Variants in COL9A2 observed in about 807,000 individuals in gnomAD.
The protein encoded by COL9A2 is collagen alpha-2(IX) chain.
Under a neutral mutation model 111.6 loss-of-function variants are expected in COL9A2, and 66 were observed. The observed-to-expected ratio is 0.59, with a 90% CI of 0.48 to 0.73. The LOEUF (loss-of-function observed/expected upper bound fraction) is 0.73. COL9A2 is among the 30% of genes least tolerant of loss of function. The pLI is 0.00. For synonymous variants in COL9A2, 353 were observed against 364.1 expected (o/e 0.97, Z 0.35); for missense variants, 881 against 954.1 (o/e 0.92, Z 1.01).
Position 40,303,304 on chromosome 1 carries a change from CAA to C in COL9A2, c.1549-121_1549-120del. 1 of 1,201,562 alleles carries C rather than the reference CAA, an allele frequency of 8.3e-7. No homozygotes were observed. Among genetic ancestry groups the C allele is most frequent in the East Asian group, 2.6e-5 (1 of 39,136 alleles). The allele number at this position is 1,201,562 out of a possible 1,614,324, so 74.4% of individuals were successfully genotyped here. A position where few individuals can be genotyped will look rare whatever the true frequency, so the allele number is the denominator to read the frequency against. On this transcript the variant is annotated intron_variant, in intron 28 of 31. Transcript: ENST00000372748. This position sits in a 1 kb window ranked among gnomAD's most constrained non-coding sequence, Gnocchi z 4.6. ...ACTCTGGTGTTGAGTCATTAATTCC[CAA>C]GCTGAGGAACAGATTGTACCTGGGC...
chr1:40,307,738 C>T lies in COL9A2; in HGVS notation c.919G>A (p.Gly307Ser), dbSNP rs184896618. The change falls in exon 18 of 32, where the codon GGC becomes AGC. Residue 307 changes from glycine (G) to serine (S), a missense_variant. Physicochemically the swap from Gly to Ser is moderately conservative, Grantham distance 56. Coordinates refer to ENST00000372748, the MANE Select transcript of COL9A2 (RefSeq NM_001852.4). The surrounding 1 kb of genome is among the most constrained non-coding windows in gnomAD (Gnocchi z 4.8). ...GGCGTGCCTGGGGTCCCATCCTTGC[C>T]GTTGATGCCTGGGGGGCCCTACCCA... The part of the protein sequence containing the change: ...KGATGPPGIN[G>S]KDGTPGTPGM... The T allele has an allele frequency of 1.3e-4, 213 of 1,614,132 alleles. No individual in the cohort carries two copies. The highest frequency in any genetic ancestry group is 5.0e-4 in the Admixed American group (30 of 60,008).
At chr1:40,313,477 CT>C (rs1644164440) in intron 4 of COL9A2, among the ~76,000 whole-genome samples, 1 of 152,196 alleles carries the variant, frequency 6.6e-6, no homozygotes, top group African/African-American at 2.4e-5. Flanking sequence ...CCATTGGCAA[CT>C]TTTTCTGAGC....
At position 40,310,458 on chromosome 1, in the gene COL9A2, C is replaced by T. The variant is rs1440188599; in HGVS notation, c.685-141G>A. 4.3e-6 allele frequency: 4 copies of T among 929,106 alleles called. No individual in the cohort carries two copies. The allele number at this position is 929,106 out of a possible 1,614,324, so 57.6% of individuals were successfully genotyped here. ...GTCTCATGGATGGGACATGGAGGTT[C>T]AGAGATGAGGAGGGACTCACTGCAT... On this transcript the variant is annotated intron_variant, in intron 13 of 31. Transcript: ENST00000372748. This position sits in a 1 kb window ranked among gnomAD's most constrained non-coding sequence, Gnocchi z 4.9.
chr1:40,314,142 G>A lies in COL9A2; in HGVS notation c.249+63C>T. On this transcript the variant is annotated intron_variant, in intron 4 of 31. Coordinates refer to ENST00000372748, the MANE Select transcript of COL9A2 (RefSeq NM_001852.4). The surrounding 1 kb of genome is among the most constrained non-coding windows in gnomAD (Gnocchi z 4.1). ...TGAACAGATCAGTGAAGATGCCAGAGCCAGGCCCTGGAGGTCAATTGGCAG... is the reference window on the plus strand; with the variant it reads ...TGAACAGATCAGTGAAGATGCCAGAACCAGGCCCTGGAGGTCAATTGGCAG... 6.4e-7 allele frequency: 1 copy of A among 1,554,084 alleles called. No individual in the cohort carries two copies. The highest frequency in any genetic ancestry group is 8.9e-7 in the Non-Finnish European group (1 of 1,126,380).
Position 40,311,452 on chromosome 1 carries a change from G to GT in COL9A2, c.519+47dup. ...TCCGTGGCCCCGCCTCCCCATCTCT[G>GT]TGGCCCCGCCCCCCTGTGTTAGCCC... is the stretch of plus-strand genomic sequence containing the variant. On this transcript the variant is annotated intron_variant, in intron 10 of 31. Transcript: ENST00000372748. This position sits in a 1 kb window ranked among gnomAD's most constrained non-coding sequence, Gnocchi z 5.1. 4.2e-6 allele frequency: 6 copies of GT among 1,443,364 alleles called. No individual in the cohort carries two copies. Among genetic ancestry groups the GT allele is most frequent in the Admixed American group, 1.8e-5 (1 of 56,776 alleles). The allele number at this position is 1,443,364 out of a possible 1,614,324, so 89.4% of individuals were successfully genotyped here. A position where few individuals can be genotyped will look rare whatever the true frequency, so the allele number is the denominator to read the frequency against.
chr1:40,315,874 A>G, intron 1 of COL9A2: 1 of 459,434 alleles, frequency 2.2e-6, no homozygotes, highest in Non-Finnish European at 3.9e-6. Context: ...GGCGGGCGCT[A>G]TTACGGGCCC....
At chr1:40,313,818 A>T (rs768584712) in intron 4 of COL9A2, among the ~76,000 whole-genome samples, 1 of 152,140 alleles carries the variant, frequency 6.6e-6, no homozygotes, top group Non-Finnish European at 1.5e-5. Flanking sequence ...CTCCTGAGTC[A>T]TGCCTGGGGC....
In COL9A2 at chr1:40,314,963, G is replaced by A. The variant is rs1046075727; in HGVS notation, c.151-576C>T. Among the ~76,000 whole-genome samples the A allele has an allele frequency of 6.6e-6, 1 of 151,926 alleles. No individual in the cohort carries two copies. The highest frequency in any genetic ancestry group is 6.6e-5 in the Admixed American group (1 of 15,264). On this transcript the variant is annotated intron_variant, in intron 2 of 31. Transcript: ENST00000372748. This position sits in a 1 kb window ranked among gnomAD's most constrained non-coding sequence, Gnocchi z 4.1. The stretch of plus-strand genomic sequence containing the variant: ...TAGAGTGCGATTCAGCCCCAGAGAG[G>A]CCTCCAGGCATTTCAGAGCCCTCAG...
At chr1:40,309,523 C>G (rs114508722) in intron 16 of COL9A2, among the ~76,000 whole-genome samples, 3,305 of 151,994 alleles carry the variant, frequency 0.022, 110 homozygotes, top group African/African-American at 0.076. Flanking sequence ...CATTGTCTGG[C>G]CCCAGTGACC....
In COL9A2 at chr1:40,309,996, C is replaced by A; in HGVS notation, c.793-5G>T. The A allele has an allele frequency of 6.2e-7, 1 of 1,614,130 alleles. No homozygotes were observed. Among genetic ancestry groups the A allele is most frequent in the Non-Finnish European group, 8.5e-7 (1 of 1,180,022 alleles). On this transcript the variant is annotated splice_region_variant and splice_polypyrimidine_tract_variant and intron_variant, in intron 15 of 31. Coordinates refer to ENST00000372748, the MANE Select transcript of COL9A2 (RefSeq NM_001852.4). Reference sequence around the variant, plus strand: ...TCCCCTAGGACCTTCCTCACCCTGGCAAGAAAGACAAGCAGGAATCCAGGT... The same window carrying A: ...TCCCCTAGGACCTTCCTCACCCTGGAAAGAAAGACAAGCAGGAATCCAGGT...
At chr1:40,308,076 G>T in intron 17 of COL9A2, 116 bp downstream of exon 17, 1 of 1,037,494 alleles carries the variant, frequency 9.6e-7, no homozygotes, top group Non-Finnish European at 1.5e-6. Context: ...AGGTTATGGA[G>T]CCAGCCCACC....
Position 40,302,480 on chromosome 1 carries a change from G to T in COL9A2, c.1792+141C>A. The T allele has an allele frequency of 1.1e-6, 1 of 898,936 alleles. No individual in the cohort carries two copies. The highest frequency in any genetic ancestry group is 1.7e-6 in the Non-Finnish European group (1 of 578,818). The allele number at this position is 898,936 out of a possible 1,614,324, so 55.7% of individuals were successfully genotyped here. On this transcript the variant is annotated intron_variant, in intron 30 of 31. Coordinates refer to ENST00000372748, the MANE Select transcript of COL9A2 (RefSeq NM_001852.4). The surrounding 1 kb of genome is among the most constrained non-coding windows in gnomAD (Gnocchi z 4.5). The stretch of plus-strand genomic sequence containing the variant: ...GCCATCCGTTTGCTACTAGGAAAGA[G>T]CCCAGGAGTGTCTCCTGGACCATGT...
intron 4 of COL9A2, among the ~76,000 whole-genome samples, chr1:40,313,441 T>C (rs1343618948): frequency 6.6e-6 from 1 of 152,220 alleles, no homozygotes; most frequent in Admixed American, 6.5e-5. Flanking sequence ...AGTGCTGGGA[T>C]TACAGGCATA....
rs1458098171 is a variant in COL9A2, at chr1:40,301,344, C to T, written c.1908G>A (p.Lys636=). 2.5e-6 allele frequency: 4 copies of T among 1,609,534 alleles called. No homozygotes were observed. The highest frequency in any genetic ancestry group is 1.7e-6 in the Non-Finnish European group (2 of 1,176,960). The part of the protein sequence containing the change: ...PGRPGQAING[K]DGDRGSPGAP... ...CCCCTGGGGACCCTCGATCTCCATCCTTGCCGTTGATTGCCTGGCCAGGCC... is the reference window on the plus strand; with the variant it reads ...CCCCTGGGGACCCTCGATCTCCATCTTTGCCGTTGATTGCCTGGCCAGGCC... Residue 636 remains lysine (K), a synonymous_variant, in exon 32 of 32, where the codon AAG becomes AAA. Coordinates refer to ENST00000372748, the MANE Select transcript of COL9A2 (RefSeq NM_001852.4).
In COL9A2 at chr1:40,306,035, C is replaced by T. The variant is rs555714942; in HGVS notation, c.1053+108G>A. The T allele has an allele frequency of 3.8e-6, 5 of 1,321,854 alleles. No individual in the cohort carries two copies. The South Asian group carries it at 5.9e-5, about 16-fold the overall frequency. 81.9% of individuals were successfully genotyped at this position (1,321,854 alleles called of 1,614,324 possible). ...GAGGGAGGTGGTTAGGCCCAAGGGG[C>T]TTATGTTCTGGCTGAGCCTCTGAGA... is the stretch of plus-strand genomic sequence containing the variant. On this transcript the variant is annotated intron_variant, in intron 20 of 31. Coordinates refer to ENST00000372748, the MANE Select transcript of COL9A2 (RefSeq NM_001852.4).
intron 16 of COL9A2, 152 bp downstream of exon 16, chr1:40,309,786 T>TAC (rs754941456): frequency 4.9e-4 from 385 of 788,220 alleles, no homozygotes; most frequent in Non-Finnish European, 6.6e-4. Context: ...ACACACAGTC[T>TAC]ACACACACAC....
chr1:40,304,119 AG>A lies in COL9A2; in HGVS notation c.1288-21del, dbSNP rs1423568242. On this transcript the variant is annotated intron_variant, in intron 24 of 31. Coordinates refer to ENST00000372748, the MANE Select transcript of COL9A2 (RefSeq NM_001852.4). ...GGAGCCCTGGAGAAAGCGGGCAGTG[AG>A]GGGTTTGGCGAGCTCCCCCCTCCAC... The A allele has an allele frequency of 1.9e-6, 3 of 1,544,902 alleles. No homozygotes were observed. The highest frequency in any genetic ancestry group is 2.6e-6 in the Non-Finnish European group (3 of 1,146,300).
intron 22 of COL9A2, 118 bp from the exon 23 acceptor site, chr1:40,304,647 G>T: frequency 7.1e-7 from 1 of 1,404,394 alleles, no homozygotes; most frequent in Admixed American, 2.0e-5. Flanking sequence ...CTGGCAGGGG[G>T]TCCTTTCTCC....
Position 40,310,783 on chromosome 1 carries a change from G to A in COL9A2, c.631-16C>T. The stretch of plus-strand genomic sequence containing the variant: ...CCTTGGGACCCTAAAGGGCAGGGAT[G>A]AGCTGTCAGACAGGCAGGCAGATGG... On this transcript the variant is annotated splice_polypyrimidine_tract_variant and intron_variant, in intron 12 of 31. Transcript: ENST00000372748. This position sits in a 1 kb window ranked among gnomAD's most constrained non-coding sequence, Gnocchi z 4.9. 1 of 1,556,994 alleles carries A rather than the reference G, an allele frequency of 6.4e-7. No individual in the cohort carries two copies. The highest frequency in any genetic ancestry group is 8.7e-7 in the Non-Finnish European group (1 of 1,149,484).
Sources: allele counts gnomAD v4.1 joint callset (sites outside exome capture counted in the v4.1 genomes callset), GRCh38; gene constraint gnomAD v4.1.1; non-coding constraint Gnocchi (gnomAD v3.1); transcripts MANE v1.5; gene names NCBI Gene and HGNC (gene_info 2026-07-23, HGNC 2026-07-21).